Variants in C16orf74 observed in about 807,000 individuals in gnomAD.
C16orf74 encodes calcimembrin, also known as uncharacterized protein C16orf74.
Under a neutral mutation model 6.5 loss-of-function variants are expected in C16orf74, and 10 were observed. The observed-to-expected ratio is 1.54, with a 90% CI of 0.95 to 2.61. The LOEUF (loss-of-function observed/expected upper bound fraction) is 2.61. Among genes scored for constraint, C16orf74 ranks in the 30% most tolerant of loss-of-function variants. The pLI is 0.00. For missense variants in C16orf74, 141 were observed against 105.9 expected (o/e 1.33, Z -1.45); for synonymous variants, 60 against 42.5 (o/e 1.41, Z -1.60).
At chr16:85,726,476 G>C (rs1052469700) in intron 2 of C16orf74, among the ~76,000 whole-genome samples, 3 of 152,168 alleles carry the variant, frequency 2.0e-5, no homozygotes, top group Admixed American at 6.5e-5. Context: ...AAGACCCCTG[G>C]AACATGGCGG....
At chr16:85,748,137 T>C (rs1444096310) in intron 1 of C16orf74, among the ~76,000 whole-genome samples, 2 of 69,120 alleles carry the variant, frequency 2.9e-5, no homozygotes, top group African/African-American at 6.7e-5. Context: ...TGTATATATA[T>C]ATGTGTGTGT....
At chr16:85,708,386 A>G (rs895467862) in intron 3 of C16orf74, among the ~76,000 whole-genome samples, 28 of 152,274 alleles carry the variant, frequency 1.8e-4, no homozygotes, top group African/African-American at 6.5e-4. Context: ...TTTATAGGTG[A>G]GGACACAGGC....
At chr16:85,717,775 C>A (rs1477083649) in intron 2 of C16orf74, among the ~76,000 whole-genome samples, 1 of 152,212 alleles carries the variant, frequency 6.6e-6, no homozygotes, top group Admixed American at 6.5e-5. Context: ...AGGGAGGTAA[C>A]GTGCTGGTAA....
At chr16:85,721,581 T>A (rs2054083072) in intron 2 of C16orf74, among the ~76,000 whole-genome samples, 1 of 152,230 alleles carries the variant, frequency 6.6e-6, no homozygotes, top group South Asian at 2.1e-4. Context: ...CTGAAATTCA[T>A]ATATAACTGG....
At chr16:85,737,409 C>G (rs879883655) in intron 1 of C16orf74, among the ~76,000 whole-genome samples, 13 of 152,174 alleles carry the variant, frequency 8.5e-5, no homozygotes, top group Non-Finnish European at 1.5e-4. Context: ...TTACAAAATA[C>G]CTTTTCTTCC....
chr16:85,729,677 G>C (rs543193666), intron 2 of C16orf74, among the ~76,000 whole-genome samples: 6 of 152,172 alleles, frequency 3.9e-5, no homozygotes, highest in Non-Finnish European at 8.8e-5. Context: ...ATTTGGGGGC[G>C]GAGGGGCTCT....
chr16:85,712,743 T>G (rs753214768), intron 2 of C16orf74, among the ~76,000 whole-genome samples: 9 of 152,204 alleles, frequency 5.9e-5, no homozygotes, highest in Non-Finnish European at 1.3e-4. Flanking sequence ...TCTGGGCCCT[T>G]TGTGCAGTAA....
chr16:85,733,396 G>C (rs1407394101), intron 2 of C16orf74, among the ~76,000 whole-genome samples: 2 of 152,132 alleles, frequency 1.3e-5, no homozygotes, highest in Non-Finnish European at 1.5e-5. Flanking sequence ...GGGCTGGGGA[G>C]GGAACGGGGA....
At chr16:85,736,947 G>A (rs2054251738) in intron 1 of C16orf74, among the ~76,000 whole-genome samples, 1 of 152,154 alleles carries the variant, frequency 6.6e-6, no homozygotes, top group South Asian at 2.1e-4. Context: ...AGGAGGCTGA[G>A]GCAGGAGAAT....
intron 1 of C16orf74, among the ~76,000 whole-genome samples, chr16:85,735,920 C>T (rs570786620): frequency 6.6e-6 from 1 of 152,286 alleles, no homozygotes; most frequent in East Asian, 1.9e-4. Flanking sequence ...CCGCAAGGTA[C>T]TATTACTGTC....
intron 2 of C16orf74, among the ~76,000 whole-genome samples, chr16:85,711,868 T>C (rs909493613): frequency 1.3e-5 from 2 of 152,148 alleles, no homozygotes; most frequent in Admixed American, 1.3e-4. Flanking sequence ...TAGGACAATG[T>C]TCCTAAGTGA....
intron 2 of C16orf74, among the ~76,000 whole-genome samples, chr16:85,723,770 G>C (rs1272056971): frequency 6.6e-6 from 1 of 152,244 alleles, no homozygotes; most frequent in Non-Finnish European, 1.5e-5. Context: ...GTGGGAAAGG[G>C]TGGGCAGTAC....
chr16:85,737,228 T>C (rs1179311359), intron 1 of C16orf74, among the ~76,000 whole-genome samples: 1 of 152,062 alleles, frequency 6.6e-6, no homozygotes, highest in African/African-American at 2.4e-5. Context: ...AGGCCTTTTA[T>C]CCAGGGCCTT....
At chr16:85,735,083 C>CCTG in intron 2 of C16orf74, 107 bp downstream of exon 2, 1 of 926,178 alleles carries the variant, frequency 1.1e-6, no homozygotes. Flanking sequence ...GGGATGGTGC[C>CCTG]CTGCTCCCTC....
intron 2 of C16orf74, among the ~76,000 whole-genome samples, chr16:85,718,039 C>T (rs982482314): frequency 3.9e-5 from 6 of 152,240 alleles, no homozygotes; most frequent in Non-Finnish European, 7.3e-5. Flanking sequence ...CAGGAGCAAG[C>T]GTGGGCATCA....
In C16orf74 at chr16:85,716,592, G is replaced by T. The variant is rs547351012; in HGVS notation, c.29-6285C>A. Among the ~76,000 whole-genome samples the T allele has an allele frequency of 2.0e-4, 30 of 149,932 alleles. No individual in the cohort carries two copies. The South Asian group carries it at 6.2e-3, about 31-fold the overall frequency. The stretch of plus-strand genomic sequence containing the variant: ...GGAGAGGGAAGGAGGGAGAAAAGGA[G>T]GGAGGAGGAAAGACAGGGCAGGAAG... On this transcript the variant is annotated intron_variant, in intron 2 of 3. Coordinates refer to ENST00000284245, the MANE Select transcript of C16orf74 (RefSeq NM_206967.3).
At chr16:85,742,195 A>C (rs1162766290) in intron 1 of C16orf74, among the ~76,000 whole-genome samples, 1 of 152,166 alleles carries the variant, frequency 6.6e-6, no homozygotes, top group African/African-American at 2.4e-5. Flanking sequence ...CAACATGGCA[A>C]AACCCCGTCT....
intron 2 of C16orf74, among the ~76,000 whole-genome samples, chr16:85,718,526 T>C (rs2054047626): frequency 6.6e-6 from 1 of 152,216 alleles, no homozygotes; most frequent in Admixed American, 6.5e-5. Flanking sequence ...CCACCTGGGC[T>C]ACGGTCCACC....
chr16:85,741,837 G>C (rs760830948), intron 1 of C16orf74: 3 of 162,990 alleles, frequency 1.8e-5, no homozygotes, highest in Non-Finnish European at 2.9e-5. Flanking sequence ...CTCCAGGACA[G>C]GGCCTGGGAC....
Sources: gnomAD v4.1 joint callset for allele counts (sites outside exome capture counted in the v4.1 genomes callset) on GRCh38, gnomAD v4.1.1 for gene constraint, MANE v1.5 for transcripts, NCBI Gene and HGNC (gene_info 2026-07-23, HGNC 2026-07-21) for gene names.